CDH1: variants seen among roughly 807,000 people sequenced by gnomAD.
CDH1 encodes cadherin 1.
A neutral mutation model predicts 84.5 loss-of-function variants in CDH1; 35 were observed. The observed-to-expected ratio is 0.41, with a 90% CI of 0.32 to 0.55. The LOEUF (loss-of-function observed/expected upper bound fraction) is 0.55. CDH1 is among the 20% of genes least tolerant of loss of function. The pLI is 0.19. For missense variants in CDH1, 994 were observed against 1,126.6 expected, an observed-to-expected ratio of 0.88 and a Z score of 1.68; for synonymous variants, 417 against 439.0, an observed-to-expected ratio of 0.95 and a Z score of 0.63.
intron 2 of CDH1, among the ~76,000 whole-genome samples, chr16:68,758,941 G>T (rs1021887112): frequency 7.9e-5 from 12 of 151,654 alleles, no homozygotes; most frequent in Non-Finnish European, 1.3e-4. Context: ...GATTATAGGC[G>T]CCTGCCACCA....
At chr16:68,824,146 T>C (rs757981080) in intron 13 of CDH1, among the ~76,000 whole-genome samples, 3 of 151,964 alleles carry the variant, frequency 2.0e-5, no homozygotes, top group Non-Finnish European at 2.9e-5. Context: ...TATGGGCATG[T>C]GCCACCACGC....
In CDH1 at chr16:68,808,569, T is replaced by A. The variant is rs1597890755; in HGVS notation, c.531+2T>A. The A allele has an allele frequency of 6.2e-7, 1 of 1,614,132 alleles. No individual in the cohort carries two copies. Among genetic ancestry groups the A allele is most frequent in the Non-Finnish European group, 8.5e-7 (1 of 1,180,004 alleles). ...CCATTTCCTAAAAACCTGGTTCAGG[T>A]AGAGAAAGAAGTTCTCTGTTTCTCT... On this transcript the variant is annotated splice_donor_variant, in intron 4 of 15. Coordinates refer to ENST00000261769, the MANE Select transcript of CDH1 (RefSeq NM_004360.5). LOFTEE classifies it high-confidence loss of function.
At position 68,834,537 on chromosome 16, in the gene CDH1, C is replaced by G. The variant is rs1961588007; in HGVS notation, c.*1038C>G. On this transcript the variant is annotated 3_prime_UTR_variant, in exon 16 of 16. Coordinates refer to ENST00000261769, the MANE Select transcript of CDH1 (RefSeq NM_004360.5). ...CAGCCTCCATGTTTTAATATCAACTCTCACTCCTGAATTCAGTTGCTTTGC... is the reference window on the plus strand; with the variant it reads ...CAGCCTCCATGTTTTAATATCAACTGTCACTCCTGAATTCAGTTGCTTTGC... The G allele has an allele frequency of 3.7e-6, 1 of 269,584 alleles. No individual in the cohort carries two copies. The allele number at this position is 269,584 out of a possible 1,614,324, so 16.7% of individuals were successfully genotyped here.
intron 9 of CDH1, among the ~76,000 whole-genome samples, chr16:68,814,997 G>A (rs1262594801): frequency 2.6e-5 from 4 of 151,732 alleles, no homozygotes; most frequent in Admixed American, 6.6e-5. Context: ...AGGCCAAGGC[G>A]GGTGGATCAC....
In CDH1 at chr16:68,808,379, C is replaced by T. The variant is rs550260497; in HGVS notation, c.388-45C>T. 3.2e-5 allele frequency: 51 copies of T among 1,609,522 alleles called. 1 individual carries two copies. Among genetic ancestry groups the T allele is most frequent in the South Asian group, 4.4e-5 (4 of 90,966 alleles). On this transcript the variant is annotated intron_variant, in intron 3 of 15. Transcript: ENST00000261769. ...GTTGGACTGTTAGACCTGAAGTATC[C>T]GTCTTGAATTGTCTTATCTTGTTCC...
chr16:68,770,276 G>A (rs769733252), intron 2 of CDH1, among the ~76,000 whole-genome samples: 1 of 151,978 alleles, frequency 6.6e-6, no homozygotes, highest in Non-Finnish European at 1.5e-5. Context: ...ACAAGACATC[G>A]CCTGGCTAGA....
intron 2 of CDH1, among the ~76,000 whole-genome samples, chr16:68,765,909 G>T (rs1200028061): frequency 6.6e-6 from 1 of 151,986 alleles, no homozygotes; most frequent in Non-Finnish European, 1.5e-5. Flanking sequence ...TCACTTACTG[G>T]TATGCATTTA....
At chr16:68,789,133 C>T (rs1960144669) in intron 2 of CDH1, among the ~76,000 whole-genome samples, 2 of 152,146 alleles carry the variant, frequency 1.3e-5, no homozygotes, top group South Asian at 2.1e-4. Flanking sequence ...AAGTGATCCT[C>T]CTACCTCAGC....
intron 2 of CDH1, among the ~76,000 whole-genome samples, chr16:68,773,888 C>T (rs1435058281): frequency 6.6e-6 from 1 of 152,090 alleles, no homozygotes; most frequent in African/African-American, 2.4e-5. Context: ...TGGAGTATGG[C>T]CAGTAGTTAA....
intron 2 of CDH1, among the ~76,000 whole-genome samples, chr16:68,777,994 AGT>A (rs1959781325): frequency 6.6e-6 from 1 of 151,856 alleles, no homozygotes; most frequent in African/African-American, 2.4e-5. Context: ...GGCCTTCCAA[AGT>A]GCTAGGATTA....
chr16:68,744,207 G>A (rs1962665816), intron 2 of CDH1, among the ~76,000 whole-genome samples: 1 of 152,182 alleles, frequency 6.6e-6, no homozygotes, highest in Non-Finnish European at 1.5e-5. Context: ...TAAATGGGCG[G>A]GGAAGAATTT....
intron 2 of CDH1, among the ~76,000 whole-genome samples, chr16:68,773,589 G>C (rs1263483177): frequency 1.3e-5 from 2 of 152,236 alleles, no homozygotes; most frequent in Non-Finnish European, 2.9e-5. Context: ...GTGAGCCAGT[G>C]CACCCAGCCT....
chr16:68,771,356 A>C (rs1386994770), intron 2 of CDH1, among the ~76,000 whole-genome samples: 1 of 152,148 alleles, frequency 6.6e-6, no homozygotes, highest in Non-Finnish European at 1.5e-5. Context: ...TGCAGATCAC[A>C]GCTCGCTGTA....
intron 2 of CDH1, among the ~76,000 whole-genome samples, chr16:68,739,359 G>A (rs1962498182): frequency 1.3e-5 from 2 of 152,110 alleles, no homozygotes; most frequent in Admixed American, 1.3e-4. Flanking sequence ...AGAGGTTGCA[G>A]TGAGCTGAGA....
At position 68,819,347 on chromosome 16, in the gene CDH1, C is replaced by G. The variant is rs863224727; in HGVS notation, c.1633C>G (p.Arg545Gly). Residue 545 changes from arginine to glycine, a missense_variant, in exon 11 of 16, where the codon CGG (arginine) becomes GGG (glycine). Coordinates refer to ENST00000261769, the MANE Select transcript of CDH1 (RefSeq NM_004360.5). ...TCCGGACACTGGTGCCATTTCCACT[C>G]GGGCTGAGCTGGACAGGGAGGATTT... ...INPDTGAIST[R>G]AELDREDFEH... is the part of the protein sequence containing the mutation. 1.2e-6 allele frequency: 2 copies of G among 1,614,042 alleles called. No individual in the cohort carries two copies. Among genetic ancestry groups the G allele is most frequent in the Non-Finnish European group, 1.7e-6 (2 of 1,179,982 alleles).
At chr16:68,784,955 C>T (rs1351908523) in intron 2 of CDH1, among the ~76,000 whole-genome samples, 1 of 151,882 alleles carries the variant, frequency 6.6e-6, no homozygotes, top group East Asian at 1.9e-4. Context: ...ATGCCTTTTG[C>T]ACTGTGATTG....
intron 2 of CDH1, among the ~76,000 whole-genome samples, chr16:68,762,947 C>T (rs1959267999): frequency 7.3e-6 from 1 of 137,044 alleles, no homozygotes; most frequent in Admixed American, 7.3e-5. Context: ...AAAAAAAGCC[C>T]CAAACCAGCT....
chr16:68,808,856 T>C lies in CDH1; in HGVS notation c.687+8T>C. 2 of 1,613,696 alleles carry C rather than the reference T, an allele frequency of 1.2e-6. 1 individual carries two copies. The highest frequency in any genetic ancestry group is 2.2e-5 in the South Asian group (2 of 91,064). ...CGCATTGCCACATACACTGTAAGTA[T>C]CTCTTAGAAGCTTGTTGACACCGGG... is the stretch of plus-strand genomic sequence containing the variant. On this transcript the variant is annotated splice_region_variant and intron_variant, in intron 5 of 15. Transcript: ENST00000261769.
chr16:68,829,573 A>T, intron 14 of CDH1, 81 bp from the exon 15 acceptor site: 1 of 1,378,174 alleles, frequency 7.3e-7, no homozygotes, highest in South Asian at 1.2e-5. Flanking sequence ...TCCAACCATA[A>T]TCTATAAACT....
Sources: allele counts gnomAD v4.1 joint callset (sites outside exome capture counted in the v4.1 genomes callset), GRCh38; gene constraint gnomAD v4.1.1; transcripts MANE v1.5; gene names NCBI Gene and HGNC (gene_info 2026-07-23, HGNC 2026-07-21).